Variants in AGAP1 observed in about 807,000 individuals in gnomAD.
AGAP1 encodes arf-GAP with GTPase, ANK repeat and PH domain-containing protein 1.
Under a neutral mutation model 105.3 loss-of-function variants are expected in AGAP1, and 29 were observed. The observed-to-expected ratio is 0.28, with a 90% CI of 0.21 to 0.38. The LOEUF (loss-of-function observed/expected upper bound fraction) is 0.38. Among genes scored for constraint, AGAP1 ranks in the 10% least tolerant of loss-of-function variants. The pLI, the probability that AGAP1 is intolerant of heterozygous loss-of-function variation, is 1.00. For synonymous variants in AGAP1, 509 were observed against 485.9 expected (o/e 1.05, Z -0.63); for missense variants, 998 against 1,165.1 (o/e 0.86, Z 2.09).
At chr2:236,008,417 C>A (rs1337129348) in intron 13 of AGAP1, among the ~76,000 whole-genome samples, 1 of 152,190 alleles carries the variant, frequency 6.6e-6, no homozygotes, top group East Asian at 1.9e-4. Context: ...GCATTTCTCA[C>A]GTTCATCTGA....
intron 9 of AGAP1, among the ~76,000 whole-genome samples, chr2:235,808,051 A>T (rs957257885): frequency 6.6e-6 from 1 of 152,344 alleles, no homozygotes; most frequent in South Asian, 2.1e-4. Context: ...TAAGAAAAAA[A>T]AAAAACCCTG....
At chr2:235,531,228 G>A (rs906275201) in intron 1 of AGAP1, among the ~76,000 whole-genome samples, 4 of 152,172 alleles carry the variant, frequency 2.6e-5, no homozygotes, top group Non-Finnish European at 5.9e-5. Flanking sequence ...CTGGGAGGCA[G>A]TGCTTCATCT....
At chr2:236,110,761 G>A (rs2125935089) in intron 16 of AGAP1, among the ~76,000 whole-genome samples, 1 of 152,282 alleles carries the variant, frequency 6.6e-6, no homozygotes, top group East Asian at 1.9e-4. Context: ...AAATAAAGAT[G>A]GAGAAATTAT....
At position 236,000,073 on chromosome 2, in the gene AGAP1, G is replaced by C. The variant is rs1368871758; in HGVS notation, c.1645+31450G>C. On this transcript the variant is annotated intron_variant, in intron 13 of 17. Transcript: ENST00000304032. This position sits in a 1 kb window ranked among gnomAD's most constrained non-coding sequence, Gnocchi z 4.3. ...CACGTGCAGGCGTCCTCGAAGGTTT[G>C]TTTGTTAGTAGCCATAACCGTGCAG... Among the ~76,000 whole-genome samples the C allele has an allele frequency of 6.6e-6, 1 of 152,150 alleles. No homozygotes were observed. Among genetic ancestry groups the C allele is most frequent in the East Asian group, 1.9e-4 (1 of 5,190 alleles).
rs1224260799 is a variant in AGAP1 at position 235,732,075 on chromosome 2, C to G, written c.311-8888C>G. Among the ~76,000 whole-genome samples, 1 of 152,184 alleles carries G rather than the reference C, an allele frequency of 6.6e-6. No homozygotes were observed. The highest frequency in any genetic ancestry group is 2.4e-5 in the African/African-American group (1 of 41,448). On this transcript the variant is annotated intron_variant, in intron 3 of 17. Transcript: ENST00000304032. The surrounding 1 kb of genome is among the most constrained non-coding windows in gnomAD (Gnocchi z 4.8). ...AGTTGTGAATCTGTGTCACATTTTC[C>G]TGGTGTATCGCGTGCACTTTTGATC...
At chr2:235,909,482 C>T (rs779157453) in intron 11 of AGAP1, among the ~76,000 whole-genome samples, 5 of 152,020 alleles carry the variant, frequency 3.3e-5, no homozygotes, top group Non-Finnish European at 7.4e-5. Flanking sequence ...GCCTCTGTGC[C>T]CAGTTGCAAG....
chr2:236,007,666 CA>C (rs1204491829), intron 13 of AGAP1, among the ~76,000 whole-genome samples: 2 of 152,056 alleles, frequency 1.3e-5, no homozygotes, highest in Non-Finnish European at 2.9e-5. Flanking sequence ...AAAGGGCCTG[CA>C]ATATATTCTG....
chr2:235,813,057 T>C (rs996257909), intron 9 of AGAP1, among the ~76,000 whole-genome samples: 3 of 152,154 alleles, frequency 2.0e-5, no homozygotes, highest in African/African-American at 7.2e-5. Flanking sequence ...GTATCAGTGC[T>C]TTTACTTTGA....
chr2:236,019,682 G>A (rs920023021), intron 13 of AGAP1, among the ~76,000 whole-genome samples: 9 of 152,246 alleles, frequency 5.9e-5, no homozygotes, highest in Admixed American at 3.9e-4. Flanking sequence ...AGGCTTGAGT[G>A]TGAGGTGTGT....
At position 235,797,793 on chromosome 2, in the gene AGAP1, G is replaced by C; in HGVS notation, c.708G>C (p.Gln236His). The change falls in exon 7 of 18, where the codon CAG becomes CAC. Residue 236 changes from glutamine (Q) to histidine (H), a missense_variant. This residue lies in a region of AGAP1 where 735 missense variants were observed against 833.4 expected (regional missense o/e 0.88). Transcript: ENST00000304032. ...AGATTGTTGCCACAAGGAAGAAGCA[G>C]CAGCTGTCCATAGGACCCTGCAAGT... The part of the protein sequence containing the change: ...AQKIVATRKK[Q>H]QLSIGPCKSL... The C allele has an allele frequency of 1.2e-6, 2 of 1,614,192 alleles. No individual in the cohort carries two copies. Among genetic ancestry groups the C allele is most frequent in the Non-Finnish European group, 1.7e-6 (2 of 1,180,046 alleles).
chr2:235,511,860 G>A (rs1480167288), intron 1 of AGAP1, among the ~76,000 whole-genome samples: 1 of 151,848 alleles, frequency 6.6e-6, no homozygotes, highest in Non-Finnish European at 1.5e-5. Context: ...GGATGTGTGT[G>A]AATGTGTGTG....
intron 16 of AGAP1, among the ~76,000 whole-genome samples, chr2:236,106,030 G>A (rs945643369): frequency 1.1e-4 from 17 of 152,278 alleles, no homozygotes; most frequent in Admixed American, 9.8e-4. Flanking sequence ...CTGACTTTCC[G>A]GAGCACACAC....
At position 235,529,490 on chromosome 2, in the gene AGAP1, C is replaced by A. The variant is rs187904279; in HGVS notation, c.163+34641C>A. On this transcript the variant is annotated intron_variant, in intron 1 of 17. Transcript: ENST00000304032. ...GATTGAACTGGCAGGAGGTGCAGATCTCTCAAGCAGGTGGGGTGTCTGTGG... is the reference window on the plus strand; with the variant it reads ...GATTGAACTGGCAGGAGGTGCAGATATCTCAAGCAGGTGGGGTGTCTGTGG... Among the ~76,000 whole-genome samples, 410 of 152,278 alleles carry A rather than the reference C, an allele frequency of 2.7e-3. 2 individuals are homozygous for A. The highest frequency in any genetic ancestry group is 9.7e-3 in the African/African-American group (402 of 41,572).
At position 235,874,061 on chromosome 2, in the gene AGAP1, T is replaced by G. The variant is rs1229444706; in HGVS notation, c.1051-9284T>G. Reference sequence around the variant, plus strand: ...GCATTCTGTTTTTTGTTTTGTTTTGTTTTTGTTTTTGTTTTGAGACAGGGT... The same window carrying G: ...GCATTCTGTTTTTTGTTTTGTTTTGGTTTTGTTTTTGTTTTGAGACAGGGT... On this transcript the variant is annotated intron_variant, in intron 9 of 17. Transcript: ENST00000304032. The surrounding 1 kb of genome is among the most constrained non-coding windows in gnomAD (Gnocchi z 4.5). Among the ~76,000 whole-genome samples, 1 of 150,762 alleles carries G rather than the reference T, an allele frequency of 6.6e-6. No individual in the cohort carries two copies. Among genetic ancestry groups the G allele is most frequent in the Admixed American group, 6.6e-5 (1 of 15,124 alleles).
At chr2:236,110,700 A>G (rs978967780) in intron 16 of AGAP1, among the ~76,000 whole-genome samples, 35 of 152,380 alleles carry the variant, frequency 2.3e-4, no homozygotes, top group African/African-American at 7.0e-4. Flanking sequence ...ATATAAATAT[A>G]TGTCCATGAT....
chr2:235,530,657 C>A (rs1374158761), intron 1 of AGAP1, among the ~76,000 whole-genome samples: 1 of 152,206 alleles, frequency 6.6e-6, no homozygotes, highest in East Asian at 1.9e-4. Flanking sequence ...TCCTGACGTC[C>A]CCTTCTCCGG....
chr2:235,818,238 T>A (rs1019625488), intron 9 of AGAP1, among the ~76,000 whole-genome samples: 17 of 152,202 alleles, frequency 1.1e-4, no homozygotes, highest in African/African-American at 3.4e-4. Flanking sequence ...TCCACCAACC[T>A]AAGATACAAC....
intron 9 of AGAP1, among the ~76,000 whole-genome samples, chr2:235,868,028 C>G (rs1427399623): frequency 6.6e-6 from 1 of 152,176 alleles, no homozygotes; most frequent in Non-Finnish European, 1.5e-5. Flanking sequence ...TACTCACACT[C>G]TTTGGATCTC....
At chr2:235,590,682 TGTGC>T (rs1168288841) in intron 1 of AGAP1, among the ~76,000 whole-genome samples, 7 of 104,272 alleles carry the variant, frequency 6.7e-5, no homozygotes, top group African/African-American at 2.9e-4. Flanking sequence ...TGTGTGTGTG[TGTGC>T]GTGTGCGTGT....
Sources: gnomAD v4.1 joint callset for allele counts (sites outside exome capture counted in the v4.1 genomes callset) on GRCh38, gnomAD v4.1.1 for gene constraint, gnomAD v4.1.1 regional missense constraint, Gnocchi (gnomAD v3.1) non-coding constraint, MANE v1.5 for transcripts, NCBI Gene and HGNC (gene_info 2026-07-23, HGNC 2026-07-21) for gene names.